PBX3: variants seen among roughly 807,000 people sequenced by gnomAD.
PBX3 encodes the protein PBX homeobox 3.
In PBX3, 14 loss-of-function variants were observed where a neutral mutation model predicts 48.5. The observed-to-expected ratio is 0.29, with a 90% CI of 0.19 to 0.45. PBX3 has a LOEUF of 0.45. Ranked by LOEUF, PBX3 falls within the 20% of genes least tolerant of loss-of-function variation. The pLI is 1.00. For missense variants in PBX3, 386 were observed against 546.7 expected, an observed-to-expected ratio of 0.71 and a Z score of 2.93; for synonymous variants, 210 against 200.3, an observed-to-expected ratio of 1.05 and a Z score of -0.41.
At chr9:125,890,090 A>T (rs766633728) in intron 2 of PBX3, among the ~76,000 whole-genome samples, 4 of 152,200 alleles carry the variant, frequency 2.6e-5, no homozygotes, top group South Asian at 2.1e-4. Context: ...TGCTTTTCCA[A>T]TCCAAACCAG....
chr9:125,771,909 G>C (rs1007611378), intron 2 of PBX3, among the ~76,000 whole-genome samples: 3 of 152,130 alleles, frequency 2.0e-5, no homozygotes, highest in Non-Finnish European at 4.4e-5. Context: ...AGGGTGAGAG[G>C]TTATCATTTT....
intron 2 of PBX3, chr9:125,844,459 C>G (rs1366509689): frequency 6.6e-6 from 1 of 151,876 alleles, no homozygotes. Flanking sequence ...AGCTAGCATT[C>G]TTTGAGTGGG....
intron 2 of PBX3, among the ~76,000 whole-genome samples, chr9:125,750,504 G>A (rs1007501994): frequency 1.3e-5 from 2 of 152,198 alleles, no homozygotes; most frequent in Non-Finnish European, 2.9e-5. Flanking sequence ...TCAACCACAT[G>A]TCAAAGGTGA....
At chr9:125,891,654 C>A (rs755715815) in intron 2 of PBX3, among the ~76,000 whole-genome samples, 1 of 152,144 alleles carries the variant, frequency 6.6e-6, no homozygotes, top group Non-Finnish European at 1.5e-5. Context: ...GGAAAAACAT[C>A]TCTATTCTTT....
chr9:125,790,828 A>G (rs796951277), intron 2 of PBX3, among the ~76,000 whole-genome samples: 1 of 152,014 alleles, frequency 6.6e-6, no homozygotes, highest in Non-Finnish European at 1.5e-5. Flanking sequence ...TGTTGGGATT[A>G]TAGGTGTGAG....
At chr9:125,952,310 G>T (rs959601565) in intron 5 of PBX3, among the ~76,000 whole-genome samples, 1 of 152,160 alleles carries the variant, frequency 6.6e-6, no homozygotes, top group Non-Finnish European at 1.5e-5. Flanking sequence ...TCTCCCTGAC[G>T]CAGTTTATGC....
At chr9:125,777,511 G>C (rs1489253357) in intron 2 of PBX3, among the ~76,000 whole-genome samples, 1 of 150,658 alleles carries the variant, frequency 6.6e-6, no homozygotes, top group African/African-American at 2.4e-5. Flanking sequence ...GCAAGCTGCC[G>C]TGCCTGGCTA....
At chr9:125,914,261 T>G (rs1841274067) in intron 2 of PBX3, among the ~76,000 whole-genome samples, 1 of 152,202 alleles carries the variant, frequency 6.6e-6, no homozygotes, top group Admixed American at 6.5e-5. Flanking sequence ...TGCCTCTGAA[T>G]AGACAACAGA....
Position 125,797,276 on chromosome 9 carries a change from A to T in PBX3, c.274+48653A>T, listed in dbSNP as rs1837812625. 2 of 152,172 alleles carry T rather than the reference A, an allele frequency of 1.3e-5. 1 individual carries two copies. Among genetic ancestry groups the T allele is most frequent in the Admixed American group, 1.3e-4 (2 of 15,282 alleles). The allele number at this position is 152,172 out of a possible 1,614,324, so 9.4% of individuals were successfully genotyped here. A position where few individuals can be genotyped will look rare whatever the true frequency, so the allele number is the denominator to read the frequency against. ...TGAAATAAGGAAGAAGTTTTCAGTA[A>T]AATTTAAATTACTAATCAGTAATGA... On this transcript the variant is annotated intron_variant, in intron 2 of 8. Transcript: ENST00000373489.
chr9:125,830,879 TCTTA>T (rs1360774899), intron 2 of PBX3, among the ~76,000 whole-genome samples: 2 of 152,144 alleles, frequency 1.3e-5, no homozygotes, highest in South Asian at 2.1e-4. Context: ...GGTGTGTATG[TCTTA>T]CTTTTTATTA....
chr9:125,965,824 C>T lies in PBX3; in HGVS notation c.1213-7C>T, dbSNP rs1349652694. On this transcript the variant is annotated splice_polypyrimidine_tract_variant and splice_region_variant and intron_variant, in intron 8 of 8. Coordinates refer to ENST00000373489, the MANE Select transcript of PBX3 (RefSeq NM_006195.6). ...GTGCACCCGTTGAACTGTGTTTCTC[C>T]TTTCAGGCTAATGGAGGCTGGCAGG... 1.9e-6 allele frequency: 3 copies of T among 1,611,414 alleles called. No individual in the cohort carries two copies. The highest frequency in any genetic ancestry group is 3.3e-5 in the Admixed American group (2 of 60,014).
intron 2 of PBX3, among the ~76,000 whole-genome samples, chr9:125,830,429 G>C (rs942236240): frequency 6.6e-6 from 1 of 152,016 alleles, no homozygotes; most frequent in Non-Finnish European, 1.5e-5. Context: ...ATTGGTGATA[G>C]TAATGTTTGT....
intron 2 of PBX3, among the ~76,000 whole-genome samples, chr9:125,767,977 G>A (rs1002161127): frequency 3.5e-5 from 5 of 141,030 alleles, no homozygotes; most frequent in Non-Finnish European, 7.4e-5. Context: ...CCGGTGGGAC[G>A]GGGAGAGGGG....
chr9:125,835,327 C>T (rs534262119), intron 2 of PBX3, among the ~76,000 whole-genome samples: 20 of 152,210 alleles, frequency 1.3e-4, no homozygotes, highest in Middle Eastern at 3.4e-3. Flanking sequence ...CAGGGATGCA[C>T]AGCTCCAAGT....
chr9:125,802,080 C>T (rs2132097247), intron 2 of PBX3, among the ~76,000 whole-genome samples: 1 of 152,176 alleles, frequency 6.6e-6, no homozygotes, highest in South Asian at 2.1e-4. Flanking sequence ...ACAATAACAG[C>T]AAAACTTATT....
At chr9:125,794,456 T>TG (rs1446372904) in intron 2 of PBX3, among the ~76,000 whole-genome samples, 1 of 152,090 alleles carries the variant, frequency 6.6e-6, no homozygotes, top group Non-Finnish European at 1.5e-5. Flanking sequence ...GGTTGGTGAA[T>TG]GGGAAAAAAA....
intron 5 of PBX3, among the ~76,000 whole-genome samples, chr9:125,943,466 T>C (rs1842005947): frequency 1.3e-5 from 2 of 148,838 alleles, no homozygotes; most frequent in Admixed American, 6.8e-5. Context: ...GAAGAAGTCA[T>C]AATCAGAACT....
intron 2 of PBX3, among the ~76,000 whole-genome samples, chr9:125,906,479 C>T (rs905201589): frequency 1.3e-5 from 2 of 151,864 alleles, no homozygotes; most frequent in African/African-American, 4.8e-5. Flanking sequence ...CACTTTTGAA[C>T]ATTTTAGAGA....
chr9:125,862,683 C>T (rs1467210119), intron 2 of PBX3, among the ~76,000 whole-genome samples: 4 of 151,970 alleles, frequency 2.6e-5, no homozygotes, highest in Non-Finnish European at 5.9e-5. Flanking sequence ...CTGCCCCTGG[C>T]CAGTGGTGGA....
Sources: gnomAD v4.1 joint callset for allele counts (sites outside exome capture counted in the v4.1 genomes callset) on GRCh38, gnomAD v4.1.1 for gene constraint, MANE v1.5 for transcripts, NCBI Gene and HGNC (gene_info 2026-07-23, HGNC 2026-07-21) for gene names.